The following DOCK4 variants were observed in gnomAD, a reference collection of about 807,000 sequenced individuals.
The protein encoded by DOCK4 is dedicator of cytokinesis protein 4.
A neutral mutation model predicts 268.1 loss-of-function variants in DOCK4; 97 were observed. The ratio of observed to expected loss-of-function variants is 0.36; its 90% CI spans 0.31 to 0.43. The LOEUF (loss-of-function observed/expected upper bound fraction) is 0.43, where lower values mean the gene tolerates loss of function less well. DOCK4 is among the 20% of genes least tolerant of loss of function. The pLI is 1.00. For synonymous variants in DOCK4, 954 were observed against 887.2 expected (o/e 1.08, Z -1.34); for missense variants, 2,145 against 2,455.7 (o/e 0.87, Z 2.67).
At chr7:111,788,459 G>A in intron 32 of DOCK4, 1 of 567,778 alleles carries the variant, frequency 1.8e-6, no homozygotes, top group Non-Finnish European at 3.2e-6. Flanking sequence ...ATTAAAACAG[G>A]AAGACATGCC....
intron 1 of DOCK4, among the ~76,000 whole-genome samples, chr7:112,011,273 C>T (rs997527745): frequency 2.6e-5 from 4 of 152,182 alleles, no homozygotes; most frequent in African/African-American, 4.8e-5. Context: ...GGGTGAATCC[C>T]GAGAGGACTT....
chr7:111,911,448 T>C (rs1260707266), intron 13 of DOCK4, among the ~76,000 whole-genome samples: 1 of 151,554 alleles, frequency 6.6e-6, no homozygotes. Context: ...TTTTCTATTA[T>C]GGAAGATTAA....
chr7:111,942,294 A>G (rs191813487), intron 10 of DOCK4, among the ~76,000 whole-genome samples: 7 of 152,240 alleles, frequency 4.6e-5, no homozygotes, highest in African/African-American at 1.7e-4. Flanking sequence ...AATTCCCAGA[A>G]GTGAGGTACT....
intron 1 of DOCK4, among the ~76,000 whole-genome samples, chr7:112,045,673 C>T (rs1223026563): frequency 1.3e-5 from 2 of 152,078 alleles, no homozygotes; most frequent in African/African-American, 2.4e-5. Context: ...TAGTAATTGC[C>T]CAATAATATC....
chr7:112,116,620 C>G (rs1812200000), intron 1 of DOCK4, among the ~76,000 whole-genome samples: 1 of 152,168 alleles, frequency 6.6e-6, no homozygotes, highest in Non-Finnish European at 1.5e-5. Flanking sequence ...GCTCTGGCCA[C>G]AATTCTGTTT....
chr7:112,093,024 T>C (rs139668001), intron 1 of DOCK4, among the ~76,000 whole-genome samples: 2 of 152,294 alleles, frequency 1.3e-5, no homozygotes, highest in South Asian at 2.1e-4. Flanking sequence ...GTCTCTCTCA[T>C]ATGGGCATCA....
intron 50 of DOCK4, among the ~76,000 whole-genome samples, chr7:111,736,023 C>T (rs1295548534): frequency 6.6e-6 from 1 of 152,100 alleles, no homozygotes; most frequent in Non-Finnish European, 1.5e-5. Context: ...TACCACATTC[C>T]TTAGTTCTAC....
intron 8 of DOCK4, among the ~76,000 whole-genome samples, chr7:111,955,137 C>A (rs529678476): frequency 2.2e-4 from 34 of 152,180 alleles, no homozygotes; most frequent in Non-Finnish European, 4.3e-4. Context: ...TCCTCCCAAC[C>A]ACATGAGAAC....
intron 25 of DOCK4, among the ~76,000 whole-genome samples, chr7:111,835,543 C>T (rs1803171622): frequency 6.6e-6 from 1 of 152,100 alleles, no homozygotes; most frequent in Non-Finnish European, 1.5e-5. Flanking sequence ...ATTTAAAATG[C>T]TTGCATTTTC....
chr7:112,074,138 C>T (rs4730509), intron 1 of DOCK4, among the ~76,000 whole-genome samples: 32,548 of 152,008 alleles, frequency 0.21, 6,431 homozygotes, highest in African/African-American at 0.51. Flanking sequence ...ATGACTTTCA[C>T]GTTAAAAATA....
At chr7:112,058,587 A>C (rs1806062836) in intron 1 of DOCK4, among the ~76,000 whole-genome samples, 1 of 152,184 alleles carries the variant, frequency 6.6e-6, no homozygotes, top group Non-Finnish European at 1.5e-5. Context: ...TTAAATATTA[A>C]GTCCCTTGAG....
intron 23 of DOCK4, 39 bp downstream of exon 23, chr7:111,863,332 CT>C (rs779955494): frequency 8.4e-5 from 135 of 1,611,774 alleles, no homozygotes; most frequent in Middle Eastern, 3.3e-4. Flanking sequence ...TACAAAATGG[CT>C]TTTCAGAGGC....
chr7:112,089,419 T>C (rs1457892428), intron 1 of DOCK4, among the ~76,000 whole-genome samples: 10 of 152,168 alleles, frequency 6.6e-5, no homozygotes, highest in Non-Finnish European at 1.2e-4. Context: ...AAATCACCCA[T>C]CCATTATTCA....
intron 16 of DOCK4, among the ~76,000 whole-genome samples, chr7:111,887,186 C>G (rs1252857588): frequency 1.3e-5 from 2 of 152,146 alleles, no homozygotes; most frequent in Non-Finnish European, 2.9e-5. Context: ...ACAAGAGAAG[C>G]CTGTGACAAG....
intron 23 of DOCK4, among the ~76,000 whole-genome samples, chr7:111,856,766 T>A (rs911045085): frequency 2.0e-5 from 3 of 151,900 alleles, no homozygotes; most frequent in African/African-American, 7.2e-5. Flanking sequence ...AGGGGTGAGA[T>A]AAAGGGATTG....
intron 1 of DOCK4, among the ~76,000 whole-genome samples, chr7:112,066,716 T>C (rs942893434): frequency 3.1e-5 from 3 of 96,112 alleles, no homozygotes; most frequent in South Asian, 3.2e-4. Context: ...TATATATATA[T>C]ATATATATAT....
chr7:112,174,138 C>T (rs970457040), intron 1 of DOCK4, among the ~76,000 whole-genome samples: 5 of 152,028 alleles, frequency 3.3e-5, no homozygotes, highest in Non-Finnish European at 7.4e-5. Context: ...TCCACCTGGA[C>T]CAGCTGCGGA....
chr7:111,877,208 AC>A (rs1806971290), intron 16 of DOCK4, 22 bp from the exon 17 acceptor site: 2 of 1,412,148 alleles, frequency 1.4e-6, no homozygotes, highest in Middle Eastern at 3.7e-4. Context: ...ATTTAAAAAA[AC>A]ATAAGGGAAG....
At chr7:111,840,996 G>T in intron 25 of DOCK4, 1 of 427,358 alleles carries the variant, frequency 2.3e-6, no homozygotes, top group Non-Finnish European at 4.4e-6. Flanking sequence ...CCTGAAGCAC[G>T]TCTGCAACAA....
Sources: gnomAD v4.1 joint callset for allele counts (sites outside exome capture counted in the v4.1 genomes callset) on GRCh38, gnomAD v4.1.1 for gene constraint, MANE v1.5 for transcripts, NCBI Gene and HGNC (gene_info 2026-07-23, HGNC 2026-07-21) for gene names.